SLA2: variants seen among roughly 807,000 people sequenced by gnomAD.
SLA2 encodes src-like-adapter 2.
Under a neutral mutation model 27.3 loss-of-function variants are expected in SLA2, and 22 were observed. The observed-to-expected ratio is 0.81, with a 90% CI of 0.58 to 1.15. The LOEUF (loss-of-function observed/expected upper bound fraction) is 1.15, where lower values mean the gene tolerates loss of function less well. SLA2 is among the 50% of genes most tolerant of loss of function. The pLI is 0.00. For synonymous variants in SLA2, 131 were observed against 137.8 expected (o/e 0.95, Z 0.34); for missense variants, 304 against 322.2 (o/e 0.94, Z 0.43).
At chr20:36,619,747 C>T (rs542809133) in intron 5 of SLA2, among the ~76,000 whole-genome samples, 67 of 150,800 alleles carry the variant, frequency 4.4e-4, no homozygotes, top group African/African-American at 1.6e-3. Flanking sequence ...TCTCCTGTCT[C>T]AGCCTCCCAA....
At chr20:36,616,365 C>T (rs2039211550) in intron 5 of SLA2, among the ~76,000 whole-genome samples, 1 of 138,938 alleles carries the variant, frequency 7.2e-6, no homozygotes. Flanking sequence ...GAGTCTCCCT[C>T]TGTTGCCCAG....
At chr20:36,627,551 T>C (rs1337210562) in intron 5 of SLA2, among the ~76,000 whole-genome samples, 1 of 152,222 alleles carries the variant, frequency 6.6e-6, no homozygotes, top group East Asian at 1.9e-4. Flanking sequence ...AGGTGAGCCC[T>C]GCAGGGGCAG....
intron 5 of SLA2, among the ~76,000 whole-genome samples, chr20:36,629,864 G>A (rs1311586018): frequency 6.6e-6 from 1 of 151,966 alleles, no homozygotes; most frequent in African/African-American, 2.4e-5. Flanking sequence ...CTTGAACCCA[G>A]GAGGCAGAGG....
At chr20:36,620,807 A>G (rs1568602595) in intron 5 of SLA2, 3 of 176,052 alleles carry the variant, frequency 1.7e-5, no homozygotes, top group African/African-American at 4.8e-5. Context: ...TGACCTCGTG[A>G]TCCACCCGCC....
intron 4 of SLA2, 87 bp downstream of exon 4, chr20:36,633,456 C>G: frequency 8.6e-7 from 1 of 1,163,876 alleles, no homozygotes. Flanking sequence ...CCCAGCTTTG[C>G]TCAGCGCAGA....
At position 36,613,438 on chromosome 20, in the gene SLA2, T is replaced by C. The variant is rs1173887286; in HGVS notation, c.*428A>G. 1 of 157,090 alleles carries C rather than the reference T, an allele frequency of 6.4e-6. No homozygotes were observed. The highest frequency in any genetic ancestry group is 1.4e-5 in the Non-Finnish European group (1 of 71,350). The allele number at this position is 157,090 out of a possible 1,614,324, so 9.7% of individuals were successfully genotyped here. A position where few individuals can be genotyped will look rare whatever the true frequency, so the allele number is the denominator to read the frequency against. ...TGGTCTCAACGAGACTTGTAGATTT[T>C]CTGAAAATGACTTTCTCGTTGACTC... On this transcript the variant is annotated 3_prime_UTR_variant, in exon 8 of 8. Coordinates refer to ENST00000262866, the MANE Select transcript of SLA2 (RefSeq NM_032214.4).
At chr20:36,628,922 A>C (rs1413669202) in intron 5 of SLA2, among the ~76,000 whole-genome samples, 1 of 151,894 alleles carries the variant, frequency 6.6e-6, no homozygotes, top group Non-Finnish European at 1.5e-5. Context: ...TTCCTGGAAA[A>C]TTGGCAAATT....
chr20:36,642,922 A>G (rs1310614657), intron 1 of SLA2, among the ~76,000 whole-genome samples: 1 of 152,112 alleles, frequency 6.6e-6, no homozygotes, highest in Non-Finnish European at 1.5e-5. Context: ...CATGTTGCCC[A>G]GGCTGTTCTT....
chr20:36,617,769 C>A (rs1441685862), intron 5 of SLA2, among the ~76,000 whole-genome samples: 23 of 143,082 alleles, frequency 1.6e-4, no homozygotes, highest in South Asian at 1.4e-3. Context: ...AGGCAGGAGA[C>A]TCGCTTGAAC....
chr20:36,613,783 G>A lies in SLA2; in HGVS notation c.*83C>T. On this transcript the variant is annotated 3_prime_UTR_variant, in exon 8 of 8. Transcript: ENST00000262866. Reference sequence around the variant, plus strand: ...CCCACCCTCCCTCCCTGAGTGCACAGCCTTGCCTCTGGGGTGCCCAGGAGG... The same window carrying A: ...CCCACCCTCCCTCCCTGAGTGCACAACCTTGCCTCTGGGGTGCCCAGGAGG... 4.2e-6 allele frequency: 2 copies of A among 472,178 alleles called. No homozygotes were observed. The highest frequency in any genetic ancestry group is 7.9e-6 in the Non-Finnish European group (2 of 252,446). The allele number at this position is 472,178 out of a possible 1,614,324, so 29.2% of individuals were successfully genotyped here. A position where few individuals can be genotyped will look rare whatever the true frequency, so the allele number is the denominator to read the frequency against.
chr20:36,638,333 G>GTTTTA (rs2039473613), intron 2 of SLA2, among the ~76,000 whole-genome samples: 2 of 151,496 alleles, frequency 1.3e-5, no homozygotes, highest in South Asian at 4.2e-4. Flanking sequence ...GTTTTGTTTT[G>GTTTTA]TTTTGTTTTG....
chr20:36,634,442 C>A, intron 3 of SLA2, 48 bp downstream of exon 3: 1 of 1,384,648 alleles, frequency 7.2e-7, no homozygotes, highest in Admixed American at 1.9e-5. Context: ...CACCACCATG[C>A]CTGGCTCTAT....
At chr20:36,626,002 C>T (rs994069708) in intron 5 of SLA2, among the ~76,000 whole-genome samples, 13 of 151,602 alleles carry the variant, frequency 8.6e-5, no homozygotes, top group African/African-American at 2.9e-4. Flanking sequence ...TGGTGGGTCA[C>T]GCCTGTAATC....
At chr20:36,618,960 T>A (rs2147978820) in intron 5 of SLA2, among the ~76,000 whole-genome samples, 1 of 141,236 alleles carries the variant, frequency 7.1e-6, no homozygotes, top group East Asian at 2.2e-4. Flanking sequence ...GTTTGGTGGC[T>A]CACGCCTGTA....
intron 5 of SLA2, among the ~76,000 whole-genome samples, chr20:36,623,654 TA>T (rs1351478329): frequency 6.6e-6 from 1 of 152,056 alleles, no homozygotes; most frequent in Non-Finnish European, 1.5e-5. Flanking sequence ...TTTGTACCTT[TA>T]TTTTTTTTTT....
intron 5 of SLA2, among the ~76,000 whole-genome samples, chr20:36,626,627 C>T (rs537086800): frequency 7.1e-4 from 107 of 151,578 alleles, no homozygotes; most frequent in Non-Finnish European, 1.2e-3. Flanking sequence ...ACGGGCAGAT[C>T]ACAAGGTCAG....
At chr20:36,614,778 C>A in intron 6 of SLA2, 1 of 985,392 alleles carries the variant, frequency 1.0e-6, no homozygotes, top group Non-Finnish European at 1.2e-6. Context: ...TGCAGAAAAC[C>A]CCTAATGAGT....
At chr20:36,625,284 A>C (rs1046448325) in intron 5 of SLA2, among the ~76,000 whole-genome samples, 5 of 135,374 alleles carry the variant, frequency 3.7e-5, no homozygotes, top group Non-Finnish European at 6.1e-5. Context: ...ACACAATTGC[A>C]TGATCTCAGC....
chr20:36,641,274 T>C lies in SLA2; in HGVS notation c.62A>G (p.Gln21Arg), dbSNP rs1467006285. The change falls in exon 2 of 8, where the codon CAA becomes CGA. Residue 21 changes from glutamine to arginine, a missense_variant. Coordinates refer to ENST00000262866, the MANE Select transcript of SLA2 (RefSeq NM_032214.4). ...LPSPSLSSSV[Q>R]GQGPVTMEAE... ...TTCCATGGTCACAGGTCCCTGGCCT[T>C]GGACAGAGGAACTCAAGCTTGGGCT... 1 of 1,614,098 alleles carries C rather than the reference T, an allele frequency of 6.2e-7. No homozygotes were observed. Among genetic ancestry groups the C allele is most frequent in the Non-Finnish European group, 8.5e-7 (1 of 1,179,958 alleles).
Sources: allele counts gnomAD v4.1 joint callset (sites outside exome capture counted in the v4.1 genomes callset), GRCh38; gene constraint gnomAD v4.1.1; transcripts MANE v1.5; gene names NCBI Gene and HGNC (gene_info 2026-07-23, HGNC 2026-07-21).